SYVN1: variants seen among roughly 807,000 people sequenced by gnomAD.
SYVN1 encodes the protein E3 ubiquitin-protein ligase synoviolin.
In SYVN1, 17 loss-of-function variants were observed where a neutral mutation model predicts 62.6. The observed-to-expected ratio is 0.27, with a 90% confidence interval of 0.19 to 0.41. The LOEUF (loss-of-function observed/expected upper bound fraction) is 0.41. SYVN1 is among the 10% of genes least tolerant of loss of function. The probability of loss-of-function intolerance (pLI) is 1.00; values close to 1 mark genes in which losing one functional copy is unlikely to be tolerated. For synonymous variants in SYVN1, 316 were observed against 304.0 expected (o/e 1.04, Z -0.41); for missense variants, 634 against 818.0 (o/e 0.78, Z 2.74).
chr11:65,128,869 T>A, intron 14 of SYVN1, 155 bp from the exon 15 acceptor site: 1 of 773,424 alleles, frequency 1.3e-6, no homozygotes, highest in African/African-American at 1.8e-5. Context: ...CTGAATGAAC[T>A]CAGACAGGGT....
Position 65,128,084 on chromosome 11 carries a change from GGAA to G in SYVN1, c.*295_*297del. ...GCCCCTTCTCCTGGAAAGGGGTGGG[GGAA>G]GAAGAGGGCTTCTCAGAGGCTAAAC... On this transcript the variant is annotated 3_prime_UTR_variant, in exon 16 of 16. Transcript: ENST00000377190. 5.8e-6 allele frequency: 3 copies of G among 520,584 alleles called. No individual in the cohort carries two copies. The highest frequency in any genetic ancestry group is 3.4e-5 in the East Asian group (1 of 29,404). The allele number at this position is 520,584 out of a possible 1,614,324, so 32.2% of individuals were successfully genotyped here. A position where few individuals can be genotyped will look rare whatever the true frequency, so the allele number is the denominator to read the frequency against.
rs367809152 is a variant in SYVN1, at chr11:65,128,688, T to C, written c.1622A>G (p.Asn541Ser). The change falls in exon 15 of 16, where the codon AAC becomes AGC. Residue 541 changes from asparagine (N) to serine (S), a missense_variant. By Grantham distance (46) the Asn-to-Ser change is conservative. Coordinates refer to ENST00000377190, the MANE Select transcript of SYVN1 (RefSeq NM_172230.3). ...LGPPRPATSV[N>S]STEETATTVV... is the part of the protein sequence containing the mutation. ...TGTAGTGGCAGTCTCCTCAGTGGAGTTGACTGAAGTGGCAGGCCGGGGGGG... is the reference window on the plus strand; with the variant it reads ...TGTAGTGGCAGTCTCCTCAGTGGAGCTGACTGAAGTGGCAGGCCGGGGGGG... 190 of 1,612,740 alleles carry C rather than the reference T, an allele frequency of 1.2e-4. No individual in the cohort carries two copies. The highest frequency in any genetic ancestry group is 8.5e-4 in the East Asian group (38 of 44,848).
rs769820142 is a variant in SYVN1, at chr11:65,128,356, GAGGCTGGGGCT to G, written c.*15_*25del. ...CCAGCGAGGGCTGCTCAAAAGAGCA[GAGGCTGGGGCT>G]GGGCTGGGGCAGTGTCAGTGGGCAA... On this transcript the variant is annotated 3_prime_UTR_variant, in exon 16 of 16. Coordinates refer to ENST00000377190, the MANE Select transcript of SYVN1 (RefSeq NM_172230.3). The G allele has an allele frequency of 1.9e-6, 3 of 1,591,066 alleles. No individual in the cohort carries two copies. Among genetic ancestry groups the G allele is most frequent in the Admixed American group, 3.4e-5 (2 of 58,602 alleles).
chr11:65,130,366 G>A lies in SYVN1; in HGVS notation c.1119C>T (p.Leu373=), dbSNP rs200165672. 4 of 1,542,688 alleles carry A rather than the reference G, an allele frequency of 2.6e-6. No individual in the cohort carries two copies. The East Asian group carries it at 9.1e-5, about 35-fold the overall frequency. Residue 373 remains leucine (L), a synonymous_variant, in exon 12 of 16, where the codon CTC becomes CTT. Transcript: ENST00000377190. ...LPQPPNFPQG[L]LPPFPPGMFP... ...ACATGCCTGGAGGAAAAGGAGGCAG[G>A]AGGCCCTGGGGGACTGCAGAGAGAA...
rs1948137407 is a variant in SYVN1, at chr11:65,128,770, A to G, written c.1596-56T>C. On this transcript the variant is annotated intron_variant, in intron 14 of 15. Coordinates refer to ENST00000377190, the MANE Select transcript of SYVN1 (RefSeq NM_172230.3). ...GGCCTTGGCATCCAAGGTTGGGCAG[A>G]TTCTCCTGCCCTTGGTGAGCCTTGC... The G allele has an allele frequency of 6.0e-6, 9 of 1,511,074 alleles. No homozygotes were observed. The South Asian group carries it at 8.8e-5, about 15-fold the overall frequency. 93.6% of individuals were successfully genotyped at this position (1,511,074 alleles called of 1,614,324 possible).
rs753196000 is a variant in SYVN1, at chr11:65,130,066, A to G, written c.1344T>C (p.Ala448=). ...SGPGSGSAPE[A]GPAPGFPFPP... is the part of the protein sequence containing the mutation. The stretch of plus-strand genomic sequence containing the variant: ...GGAAGGGGAAACCAGGGGCAGGGCC[A>G]GCCTCTGGGGCAGAGCCAGAGCCTG... The change falls in exon 13 of 16, where the codon GCT becomes GCC. Residue 448 remains alanine, a synonymous_variant. Coordinates refer to ENST00000377190, the MANE Select transcript of SYVN1 (RefSeq NM_172230.3). 4 of 1,607,634 alleles carry G rather than the reference A, an allele frequency of 2.5e-6. No individual in the cohort carries two copies. The South Asian group carries it at 3.3e-5, about 13-fold the overall frequency.
Position 65,130,185 on chromosome 11 carries a change from A to G in SYVN1, c.1235-10T>C, listed in dbSNP as rs1948158915. 2.5e-6 allele frequency: 4 copies of G among 1,605,754 alleles called. No homozygotes were observed. Among genetic ancestry groups the G allele is most frequent in the Middle Eastern group, 3.3e-4 (2 of 5,992 alleles). On this transcript the variant is annotated splice_polypyrimidine_tract_variant and intron_variant, in intron 12 of 15. Transcript: ENST00000377190. Reference sequence around the variant, plus strand: ...GGCCGAGAAAGGGCTGCTGAAGAGCAGGAACGAAGTCAGTGAGTGTTCCAT... The same window carrying G: ...GGCCGAGAAAGGGCTGCTGAAGAGCGGGAACGAAGTCAGTGAGTGTTCCAT...
In SYVN1 at chr11:65,132,372, G is replaced by A. The variant is rs374320250; in HGVS notation, c.428-21C>T. Reference sequence around the variant, plus strand: ...AAGAGCTGTGGGGACCCCCACACATGCAGGGTGGGGGGGTCAGCCCAGGGC... The same window carrying A: ...AAGAGCTGTGGGGACCCCCACACATACAGGGTGGGGGGGTCAGCCCAGGGC... On this transcript the variant is annotated intron_variant, in intron 5 of 15. Coordinates refer to ENST00000377190, the MANE Select transcript of SYVN1 (RefSeq NM_172230.3). 5.1e-5 allele frequency: 77 copies of A among 1,517,788 alleles called. No individual in the cohort carries two copies. In the African/African-American group the frequency reaches 9.4e-4, roughly 19 times the overall value. The allele number at this position is 1,517,788 out of a possible 1,614,324, so 94.0% of individuals were successfully genotyped here. A position where few individuals can be genotyped will look rare whatever the true frequency, so the allele number is the denominator to read the frequency against.
chr11:65,129,963 C>A (rs1055484997), intron 13 of SYVN1, 39 bp downstream of exon 13: 6 of 1,601,798 alleles, frequency 3.7e-6, no homozygotes, highest in Non-Finnish European at 5.1e-6. Context: ...AGACACCAAC[C>A]TCACCCCCAA....
intron 14 of SYVN1, chr11:65,129,509 T>G (rs936054225): frequency 7.7e-5 from 39 of 507,104 alleles, no homozygotes; most frequent in Non-Finnish European, 2.5e-5. Context: ...TAAAGTCAGC[T>G]CTCGAATAAA....
chr11:65,127,325 T>C lies in SYVN1; in HGVS notation c.*1057A>G. ...TGGCTGTATATACAATTTAAGCTAT[T>C]AAAATTTGTACAATATTTACAAATT... On this transcript the variant is annotated 3_prime_UTR_variant, in exon 16 of 16. Transcript: ENST00000377190. 1 of 398,430 alleles carries C rather than the reference T, an allele frequency of 2.5e-6. No homozygotes were observed. The highest frequency in any genetic ancestry group is 6.1e-5 in the South Asian group (1 of 16,484). The allele number at this position is 398,430 out of a possible 1,614,324, so 24.7% of individuals were successfully genotyped here. A position where few individuals can be genotyped will look rare whatever the true frequency, so the allele number is the denominator to read the frequency against.
At chr11:65,132,847 C>G in intron 4 of SYVN1, 67 bp from the exon 5 acceptor site, 3 of 1,613,248 alleles carry the variant, frequency 1.9e-6, no homozygotes, top group Non-Finnish European at 2.5e-6. Context: ...CAACCTAGCC[C>G]TCCCTGCTCC....
chr11:65,128,736 G>A (rs753644159), intron 14 of SYVN1, 22 bp from the exon 15 acceptor site: 9 of 1,575,968 alleles, frequency 5.7e-6, no homozygotes, highest in African/African-American at 5.4e-5. Context: ...AGGGACGAGA[G>A]GCGGGCCTGG....
rs144093481 is a variant in SYVN1 at position 65,132,282 on chromosome 11, C to T, written c.497G>A (p.Arg166His). ...AAACACCAGCTGCACAGAGGCCCCA[C>T]GGGTCAGGATGCTGTGATAGGCGTG... is the stretch of plus-strand genomic sequence containing the variant. ...VSHAYHSILT[R>H]GASVQLVFGF... Residue 166 changes from arginine (R) to histidine (H), a missense_variant, in exon 6 of 16, where the codon CGT becomes CAT. This residue lies in a region of SYVN1 where 283 missense variants were observed against 444.7 expected (regional missense o/e 0.64). Coordinates refer to ENST00000377190, the MANE Select transcript of SYVN1 (RefSeq NM_172230.3). 6.5e-5 allele frequency: 105 copies of T among 1,613,976 alleles called. No homozygotes were observed. The highest frequency in any genetic ancestry group is 7.3e-5 in the Non-Finnish European group (86 of 1,179,972).
intron 14 of SYVN1, chr11:65,129,384 G>A (rs986267765): frequency 8.9e-6 from 2 of 224,732 alleles, no homozygotes; most frequent in Non-Finnish European, 1.8e-5. Context: ...CTCAGTTTGG[G>A]GGCAGCAATT....
At chr11:65,128,896 C>CAAAT in intron 14 of SYVN1, 182 bp from the exon 15 acceptor site, 1 of 647,168 alleles carries the variant, frequency 1.5e-6, no homozygotes, top group African/African-American at 1.8e-5. Context: ...ACTCAAGGGC[C>CAAAT]AAATGATTCT....
chr11:65,129,621 G>A (rs1469439312), intron 14 of SYVN1, 108 bp downstream of exon 14: 4 of 1,084,746 alleles, frequency 3.7e-6, no homozygotes, highest in African/African-American at 3.1e-5. Flanking sequence ...CTGTAGATAG[G>A]CAGCCTGAAT....
chr11:65,131,995 CCGGCACGAGCCT>C (rs1948186444), intron 6 of SYVN1, among the ~76,000 whole-genome samples: 1 of 152,138 alleles, frequency 6.6e-6, no homozygotes, highest in Non-Finnish European at 1.5e-5. Flanking sequence ...CCAGCTAGCT[CCGGCACGAGCCT>C]CCAGGAACCC....
rs191858723 is a variant in SYVN1 at position 65,129,906 on chromosome 11, G to T, written c.1418C>A (p.Pro473Gln). 42 of 1,613,490 alleles carry T rather than the reference G, an allele frequency of 2.6e-5. No individual in the cohort carries two copies. Among genetic ancestry groups the T allele is most frequent in the Non-Finnish European group, 3.3e-5 (39 of 1,179,726 alleles). The change falls in exon 14 of 16, where the codon CCA (proline) becomes CAA (glutamine). Residue 473 changes from proline (P) to glutamine (Q), a missense_variant. Physicochemically the swap from Pro to Gln is moderately conservative, Grantham distance 76. Around this residue, in one of 2 missense-constraint regions of SYVN1, gnomAD observed 351 missense variants for 373.3 expected, o/e 0.94. Coordinates refer to ENST00000377190, the MANE Select transcript of SYVN1 (RefSeq NM_172230.3). ...AAAGCCCGCAGGGGGCACAGGCATT[G>T]GGGGGAAGGCTGGAGAGAGAGAGGC... Reference protein sequence around the residue: ...MPLPPPFAFPPMPVPPAGFAG... With the variant: ...MPLPPPFAFPQMPVPPAGFAG...
Sources: allele counts gnomAD v4.1 joint callset (sites outside exome capture counted in the v4.1 genomes callset), GRCh38; gene constraint gnomAD v4.1.1; regional missense constraint gnomAD v4.1.1; transcripts MANE v1.5; gene names NCBI Gene and HGNC (gene_info 2026-07-23, HGNC 2026-07-21).